Variants in GON4L observed in about 807,000 individuals in gnomAD.
The protein encoded by GON4L is gon-4 like, also known as GON-4-like protein.
In GON4L, 87 loss-of-function variants were observed where a neutral mutation model predicts 211.8. The observed-to-expected ratio is 0.41, with a 90% confidence interval of 0.35 to 0.49. The LOEUF is 0.49. Among genes scored for constraint, GON4L ranks in the 20% least tolerant of loss-of-function variants. GON4L has a pLI of 0.15. For synonymous variants in GON4L, 875 were observed against 962.6 expected, an observed-to-expected ratio of 0.91 and a Z score of 1.68; for missense variants, 2,155 against 2,659.5, an observed-to-expected ratio of 0.81 and a Z score of 4.17.
At chr1:155,759,934 ATATT>A (rs1486444727) in intron 24 of GON4L, among the ~76,000 whole-genome samples, 3 of 147,036 alleles carry the variant, frequency 2.0e-5, no homozygotes, top group African/African-American at 7.5e-5. Context: ...TTTGCTGTTT[ATATT>A]TATTTTTATA....
chr1:155,766,600 T>C lies in GON4L; in HGVS notation c.2873A>G (p.Lys958Arg), dbSNP rs1394461548. The C allele has an allele frequency of 6.2e-7, 1 of 1,614,128 alleles. No individual in the cohort carries two copies. The highest frequency in any genetic ancestry group is 8.5e-7 in the Non-Finnish European group (1 of 1,180,026). Residue 958 changes from lysine (K) to arginine (R), a missense_variant, in exon 21 of 32, where the codon AAA becomes AGA. Lys to Arg is a conservative substitution (Grantham distance 26). Transcript: ENST00000368331. ...TEINSDRSLE[K>R]DNLELGSESR... is the part of the protein sequence containing the mutation. ...TTCACTCCCCAACTCCAAATTGTCT[T>C]TTTCTAGGCTTCGATCTGAGTTGAT...
chr1:155,746,289 G>A (rs1660252752), downstream of GON4L: 4 of 591,802 alleles, frequency 6.8e-6, no homozygotes, highest in Admixed American at 9.7e-5. Flanking sequence ...CACTCGAGGG[G>A]CCCACGACAG....
chr1:155,759,589 T>G (rs1277169276), intron 24 of GON4L, among the ~76,000 whole-genome samples: 1 of 150,748 alleles, frequency 6.6e-6, no homozygotes, highest in Non-Finnish European at 1.5e-5. Flanking sequence ...AAAAAAAAAT[T>G]TTTTTTTTTG....
At chr1:155,842,597 G>C (rs1041299461) in intron 2 of GON4L, among the ~76,000 whole-genome samples, 26 of 151,724 alleles carry the variant, frequency 1.7e-4, no homozygotes, top group Non-Finnish European at 3.1e-4. Flanking sequence ...CAGCACTTTG[G>C]GAGGCCGAGG....
chr1:155,751,110 C>T (rs1660533871), intron 31 of GON4L, among the ~76,000 whole-genome samples: 1 of 151,786 alleles, frequency 6.6e-6, no homozygotes, highest in African/African-American at 2.4e-5. Flanking sequence ...GCACAATATA[C>T]TGATTTGAAA....
rs528886840 is a variant in GON4L at position 155,840,410 on chromosome 1, C to T, written c.505+12866G>A. ...TACAGTATTTTGGGCTTTTTAACAT[C>T]TTTTACAAATGCCCCCAGAATCGAA... On this transcript the variant is annotated intron_variant, in intron 2 of 31. Transcript: ENST00000368331. Among the ~76,000 whole-genome samples, 9 of 152,246 alleles carry T rather than the reference C, an allele frequency of 5.9e-5. No individual in the cohort carries two copies. The East Asian group carries it at 1.7e-3, about 29-fold the overall frequency.
chr1:155,836,368 GCCTC>G (rs1285253238), intron 2 of GON4L, among the ~76,000 whole-genome samples: 2 of 149,226 alleles, frequency 1.3e-5, no homozygotes, highest in Non-Finnish European at 3.0e-5. Context: ...CCTGCTTTCA[GCCTC>G]CCGAGTAGCT....
chr1:155,809,950 A>AAATTATATACATATATAATTATG, intron 10 of GON4L, among the ~76,000 whole-genome samples: 1 of 136,360 alleles, frequency 7.3e-6, no homozygotes, highest in Non-Finnish European at 1.5e-5. Flanking sequence ...ATATAATTAT[A>AAATTATATACATATATAATTATG]AATTATATAC....
chr1:155,832,154 A>G (rs1669838672), intron 2 of GON4L, among the ~76,000 whole-genome samples: 1 of 151,538 alleles, frequency 6.6e-6, no homozygotes, highest in Non-Finnish European at 1.5e-5. Context: ...ACATGCCTGT[A>G]ATCCCAGCTA....
At chr1:155,839,631 AC>A (rs1670604483) in intron 2 of GON4L, among the ~76,000 whole-genome samples, 1 of 151,712 alleles carries the variant, frequency 6.6e-6, no homozygotes. Flanking sequence ...AGTCTGGGCA[AC>A]AGAATGAGAC....
chr1:155,774,558 C>T (rs1003351548), intron 17 of GON4L, among the ~76,000 whole-genome samples: 13 of 152,108 alleles, frequency 8.5e-5, no homozygotes, highest in South Asian at 2.1e-4. Flanking sequence ...CCCCGTGCCT[C>T]GGCCTCCCAA....
rs769823401 is a variant in GON4L at position 155,824,434 on chromosome 1, C to CAAAAAAA, written c.698-1965_698-1959dup. On this transcript the variant is annotated intron_variant, in intron 3 of 31. Transcript: ENST00000368331. Reference sequence around the variant, plus strand: ...GGGTGACGAGAGCAAAACTCCACATCAAAAAAAAAAAAAAAAAAAAAAAAA... The same window carrying CAAAAAAA: ...GGGTGACGAGAGCAAAACTCCACATCAAAAAAAAAAAAAAAAAAAAAAAAAAAAAAAA... Among the ~76,000 whole-genome samples, 69 of 7,440 alleles carry CAAAAAAA rather than the reference C, an allele frequency of 9.3e-3. 10 individuals are homozygous for CAAAAAAA. Among genetic ancestry groups the CAAAAAAA allele is most frequent in the South Asian group, 0.015 (3 of 204 alleles). The allele number at this position is 7,440 out of a possible 152,430, so 4.9% of individuals were successfully genotyped here. A position where few individuals can be genotyped will look rare whatever the true frequency, so the allele number is the denominator to read the frequency against.
chr1:155,847,833 C>T (rs1671395995), intron 2 of GON4L, among the ~76,000 whole-genome samples: 1 of 152,042 alleles, frequency 6.6e-6, no homozygotes, highest in Non-Finnish European at 1.5e-5. Context: ...AAGATCGTGC[C>T]ACTACACTCC....
At chr1:155,826,104 T>C (rs1669187122) in intron 3 of GON4L, among the ~76,000 whole-genome samples, 1 of 151,756 alleles carries the variant, frequency 6.6e-6, no homozygotes, top group Admixed American at 6.6e-5. Context: ...TCCCAGCTAC[T>C]TAGGGCTGAG....
rs186908247 is a variant in GON4L, at chr1:155,755,312, G to A, written c.5518-824C>T. 1.8e-4 allele frequency among the ~76,000 whole-genome samples: 27 copies of A among 152,032 alleles called. No homozygotes were observed. In the South Asian group the frequency reaches 3.7e-3, roughly 21 times the overall value. On this transcript the variant is annotated intron_variant, in intron 27 of 31. Coordinates refer to ENST00000368331, the MANE Select transcript of GON4L (RefSeq NM_001282860.2). ...TCGAACTCCTGACCTGAAGTAATCC[G>A]CCCGCCTTGGCCTTGCAAAGTGCTG...
chr1:155,835,727 G>T (rs192821909), intron 2 of GON4L, among the ~76,000 whole-genome samples: 1 of 152,088 alleles, frequency 6.6e-6, no homozygotes, highest in East Asian at 1.9e-4. Flanking sequence ...CTGCTGCTGC[G>T]GCTGCTTCTC....
At chr1:155,843,981 C>A (rs1671006529) in intron 2 of GON4L, among the ~76,000 whole-genome samples, 1 of 152,180 alleles carries the variant, frequency 6.6e-6, no homozygotes, top group Admixed American at 6.5e-5. Flanking sequence ...TTTTGCTTAT[C>A]AAAAACTTGA....
At chr1:155,821,393 T>A in intron 5 of GON4L, 81 bp downstream of exon 5, 2 of 842,368 alleles carry the variant, frequency 2.4e-6, no homozygotes, top group Non-Finnish European at 4.2e-6. Flanking sequence ...GTTTACAAAC[T>A]CCTAAGTGAC....
intron 10 of GON4L, among the ~76,000 whole-genome samples, chr1:155,812,232 A>C (rs183929367): frequency 6.6e-6 from 1 of 152,298 alleles, no homozygotes; most frequent in Non-Finnish European, 1.5e-5. Flanking sequence ...AATGAGAAAC[A>C]CACATCACTC....
Sources: gnomAD v4.1 joint callset for allele counts (sites outside exome capture counted in the v4.1 genomes callset) on GRCh38, gnomAD v4.1.1 for gene constraint, MANE v1.5 for transcripts, NCBI Gene and HGNC (gene_info 2026-07-23, HGNC 2026-07-21) for gene names.